Variants in DHX29 observed in about 807,000 individuals in gnomAD.
The protein encoded by DHX29 is ATP-dependent RNA helicase DHX29.
DHX29 carries 79 observed loss-of-function variants against 167.9 expected under a neutral mutation model. That is an observed-to-expected ratio of 0.47 (90% CI 0.39 to 0.57). The LOEUF is 0.57. DHX29 is among the 20% of genes least tolerant of loss of function. The pLI is 0.00. For missense variants in DHX29, 1,347 were observed against 1,593.4 expected (o/e 0.85, Z 2.63); for synonymous variants, 530 against 546.0 (o/e 0.97, Z 0.41).
intron 23 of DHX29, among the ~76,000 whole-genome samples, chr5:55,265,073 G>T (rs1015625984): frequency 6.8e-5 from 9 of 132,744 alleles, no homozygotes; most frequent in African/African-American, 2.5e-4. Context: ...AAAGGGAGAT[G>T]ACTCTGAAAA....
At chr5:55,267,865 A>T in intron 21 of DHX29, 43 bp from the exon 22 acceptor site, 1 of 1,478,620 alleles carries the variant, frequency 6.8e-7, no homozygotes, top group Non-Finnish European at 9.1e-7. Flanking sequence ...ATCATTAAAG[A>T]GCAATACAGT....
chr5:55,290,418 T>G (rs1747983570), intron 6 of DHX29, 74 bp from the exon 7 acceptor site: 1 of 1,447,502 alleles, frequency 6.9e-7, no homozygotes, highest in Non-Finnish European at 9.2e-7. Context: ...GTCAATAAAC[T>G]GTATCAAAAT....
At position 55,307,666 on chromosome 5, in the gene DHX29, G is replaced by A. The variant is rs1748961340; in HGVS notation, c.-93C>T. On this transcript the variant is annotated 5_prime_UTR_variant, in exon 1 of 27. Transcript: ENST00000251636. ...CTTCACATTCCCCGGCTCCGGGGCT[G>A]CCACCCTGCGCTTCGATCCGGGCTT... The A allele has an allele frequency of 2.0e-6, 3 of 1,474,876 alleles. No individual in the cohort carries two copies. The East Asian group carries it at 6.8e-5, about 34-fold the overall frequency. 91.4% of individuals were successfully genotyped at this position (1,474,876 alleles called of 1,614,324 possible).
At chr5:55,269,135 A>G (rs1746723840) in intron 21 of DHX29, among the ~76,000 whole-genome samples, 1 of 151,650 alleles carries the variant, frequency 6.6e-6, no homozygotes, top group Admixed American at 6.6e-5. Flanking sequence ...AATCCCAGCT[A>G]CTTGGGAGAC....
chr5:55,275,679 C>T (rs889276129), intron 14 of DHX29, among the ~76,000 whole-genome samples: 1 of 151,950 alleles, frequency 6.6e-6, no homozygotes, highest in African/African-American at 2.4e-5. Flanking sequence ...GAAAACATGT[C>T]ATTGAGACTA....
intron 11 of DHX29, chr5:55,282,942 T>C (rs1747508739): frequency 3.7e-6 from 1 of 266,984 alleles, no homozygotes; most frequent in African/African-American, 2.2e-5. Flanking sequence ...GTAACATATT[T>C]GAATATTCAA....
intron 23 of DHX29, 23 bp downstream of exon 23, chr5:55,267,115 G>C (rs370708252): frequency 6.8e-7 from 1 of 1,476,016 alleles, no homozygotes; most frequent in Non-Finnish European, 9.4e-7. Flanking sequence ...GACTCTGAGT[G>C]AGAGATCCAT....
At chr5:55,274,031 A>T (rs1293507039) in intron 16 of DHX29, among the ~76,000 whole-genome samples, 4 of 151,514 alleles carry the variant, frequency 2.6e-5, no homozygotes, top group Non-Finnish European at 5.9e-5. Flanking sequence ...AGGTTGCAGT[A>T]AGCTGAGATT....
At chr5:55,270,770 G>A (rs1165966751) in intron 18 of DHX29, 64 bp from the exon 19 acceptor site, 2 of 1,306,612 alleles carry the variant, frequency 1.5e-6, no homozygotes, top group Middle Eastern at 1.9e-4. Context: ...GGAAAAAGCT[G>A]GATTTGACTC....
chr5:55,305,506 A>G (rs1393610351), intron 1 of DHX29, among the ~76,000 whole-genome samples: 1 of 152,246 alleles, frequency 6.6e-6, no homozygotes, highest in East Asian at 1.9e-4. Flanking sequence ...GTCAGTGAGG[A>G]TGCCATGGAA....
intron 8 of DHX29, among the ~76,000 whole-genome samples, chr5:55,287,881 G>A (rs2111918078): frequency 6.6e-6 from 1 of 151,246 alleles, no homozygotes; most frequent in South Asian, 2.1e-4. Flanking sequence ...TCCAGGAGGT[G>A]GAGGTTGCAG....
At chr5:55,269,389 A>C (rs201861427) in intron 21 of DHX29, 24 bp downstream of exon 21, 116 of 1,603,038 alleles carry the variant, frequency 7.2e-5, no homozygotes, top group South Asian at 7.7e-5. Flanking sequence ...TAAAGTAAAG[A>C]AGCAGCAGCA....
intron 25 of DHX29, among the ~76,000 whole-genome samples, chr5:55,261,091 T>TA (rs1211647581): frequency 6.6e-6 from 1 of 152,192 alleles, no homozygotes; most frequent in Non-Finnish European, 1.5e-5. Flanking sequence ...GCTAGGATAT[T>TA]AATTTGGGAA....
chr5:55,296,147 CA>C, intron 4 of DHX29, 72 bp downstream of exon 4: 1 of 1,466,838 alleles, frequency 6.8e-7, no homozygotes, highest in Admixed American at 2.2e-5. Flanking sequence ...GAGTATGAGC[CA>C]AAAGGTTGAT....
Position 55,290,264 on chromosome 5 carries a change from C to T in DHX29, c.861G>A (p.Lys287=). The T allele has an allele frequency of 6.2e-7, 1 of 1,611,578 alleles. No homozygotes were observed. The highest frequency in any genetic ancestry group is 8.5e-7 in the Non-Finnish European group (1 of 1,179,588). Reference sequence around the variant, plus strand: ...TTTCCTGAGCCTCTTTTTGGCCTTGCTTGTTTTTTTCTAGTTTAAAGGTAG... The same window carrying T: ...TTTCCTGAGCCTCTTTTTGGCCTTGTTTGTTTTTTTCTAGTTTAAAGGTAG... ...QAATFKLEKN[K]QGQKEAQEKI... Residue 287 remains lysine (K), a synonymous_variant, in exon 7 of 27, where the codon AAG becomes AAA. Transcript: ENST00000251636.
chr5:55,302,941 A>G (rs1308511903), intron 1 of DHX29, among the ~76,000 whole-genome samples: 3 of 152,180 alleles, frequency 2.0e-5, no homozygotes, highest in Non-Finnish European at 4.4e-5. Context: ...TCTGACTGGA[A>G]GTAAGGATGT....
chr5:55,271,010 T>C (rs979315438), intron 18 of DHX29, among the ~76,000 whole-genome samples: 6 of 152,364 alleles, frequency 3.9e-5, no homozygotes, highest in Non-Finnish European at 8.8e-5. Flanking sequence ...ACGATAATTT[T>C]TGAAATATTT....
intron 1 of DHX29, among the ~76,000 whole-genome samples, chr5:55,300,883 T>A (rs528484198): frequency 6.6e-6 from 1 of 152,302 alleles, no homozygotes; most frequent in East Asian, 1.9e-4. Flanking sequence ...GAAATTTATT[T>A]CTCATAGTTC....
rs546552634 is a variant in DHX29 at position 55,280,717 on chromosome 5, C to G, written c.2109+655G>C. Among the ~76,000 whole-genome samples, 5 of 152,306 alleles carry G rather than the reference C, an allele frequency of 3.3e-5. No homozygotes were observed. The South Asian group carries it at 8.3e-4, about 25-fold the overall frequency. ...ACGTAAACCAAGCTTGCAGCACATTCAGCATTCATCATTAGGTCTGCTTGT... is the reference window on the plus strand; with the variant it reads ...ACGTAAACCAAGCTTGCAGCACATTGAGCATTCATCATTAGGTCTGCTTGT... On this transcript the variant is annotated intron_variant, in intron 12 of 26. Coordinates refer to ENST00000251636, the MANE Select transcript of DHX29 (RefSeq NM_019030.4).
Sources: gnomAD v4.1 joint callset for allele counts (sites outside exome capture counted in the v4.1 genomes callset) on GRCh38, gnomAD v4.1.1 for gene constraint, MANE v1.5 for transcripts, NCBI Gene and HGNC (gene_info 2026-07-23, HGNC 2026-07-21) for gene names.